NPAS3: variants seen among roughly 807,000 people sequenced by gnomAD.
NPAS3 encodes the protein neuronal PAS domain-containing protein 3.
NPAS3 carries 14 observed loss-of-function variants against 73.1 expected under a neutral mutation model. The observed-to-expected ratio is 0.19, with a 90% CI of 0.13 to 0.30. The LOEUF (loss-of-function observed/expected upper bound fraction) is 0.30, where lower values mean the gene tolerates loss of function less well. Among genes scored for constraint, NPAS3 ranks in the 10% least tolerant of loss-of-function variants. The pLI is 1.00. For missense variants in NPAS3, 1,096 were observed against 1,250.0 expected (o/e 0.88, Z 1.86); for synonymous variants, 620 against 541.5 (o/e 1.14, Z -2.01).
intron 3 of NPAS3, among the ~76,000 whole-genome samples, chr14:33,324,031 G>A (rs973226573): frequency 1.3e-5 from 2 of 152,184 alleles, no homozygotes; most frequent in Non-Finnish European, 2.9e-5. Flanking sequence ...GTCAAGCTAC[G>A]AGAATGGTTC....
At chr14:33,413,574 G>A (rs151246794) in intron 4 of NPAS3, among the ~76,000 whole-genome samples, 80 of 152,282 alleles carry the variant, frequency 5.3e-4, no homozygotes, top group African/African-American at 1.9e-3. Context: ...GGAAGTAACT[G>A]CAGTAAAATG....
intron 9 of NPAS3, among the ~76,000 whole-genome samples, chr14:33,782,888 A>G (rs1206199395): frequency 1.3e-5 from 2 of 152,176 alleles, no homozygotes; most frequent in Non-Finnish European, 2.9e-5. Flanking sequence ...ATACTTTCTA[A>G]CAAAACTAAT....
intron 3 of NPAS3, among the ~76,000 whole-genome samples, chr14:33,232,520 T>C (rs1260630474): frequency 1.3e-5 from 2 of 152,182 alleles, no homozygotes; most frequent in African/African-American, 4.8e-5. Context: ...ATATCTTTAG[T>C]TCTTTACTGA....
intron 2 of NPAS3, among the ~76,000 whole-genome samples, chr14:33,177,990 C>A (rs1424325805): frequency 2.0e-5 from 3 of 151,924 alleles, no homozygotes; most frequent in Non-Finnish European, 4.4e-5. Flanking sequence ...GAGCCCCTTA[C>A]ACTTCCATAT....
intron 1 of NPAS3, among the ~76,000 whole-genome samples, chr14:32,975,308 G>GCCTCCGTCACTCCCTT (rs374492951): frequency 7.8e-4 from 81 of 104,090 alleles, no homozygotes; most frequent in African/African-American, 2.7e-3. Flanking sequence ...CTCCCTCCCT[G>GCCTCCGTCACTCCCTT]CCTCCGTCAC....
chr14:33,655,365 T>G (rs1186966913), intron 5 of NPAS3, among the ~76,000 whole-genome samples: 1 of 131,552 alleles, frequency 7.6e-6, no homozygotes, highest in African/African-American at 2.9e-5. Flanking sequence ...TAACAGCAAG[T>G]GAACTCTTTT....
At chr14:33,066,059 A>C (rs1305229911) in intron 2 of NPAS3, among the ~76,000 whole-genome samples, 2 of 152,092 alleles carry the variant, frequency 1.3e-5, no homozygotes, top group Non-Finnish European at 2.9e-5. Context: ...TATTTTATGT[A>C]GTTGTAGGGG....
intron 4 of NPAS3, among the ~76,000 whole-genome samples, chr14:33,367,746 A>G (rs1263554760): frequency 1.3e-5 from 2 of 152,044 alleles, no homozygotes; most frequent in Admixed American, 6.6e-5. Flanking sequence ...TCCCCAAATT[A>G]GAAAATTTCT....
chr14:33,514,412 T>C (rs1165639719), intron 4 of NPAS3, among the ~76,000 whole-genome samples: 1 of 152,028 alleles, frequency 6.6e-6, no homozygotes, highest in African/African-American at 2.4e-5. Context: ...TTATTCCTGC[T>C]TTGCACTTAG....
intron 2 of NPAS3, among the ~76,000 whole-genome samples, chr14:33,101,305 TA>T (rs1422835691): frequency 8.5e-5 from 13 of 152,106 alleles, no homozygotes; most frequent in Admixed American, 3.3e-4. Flanking sequence ...AGATATTATT[TA>T]AAAAGGGAAG....
intron 3 of NPAS3, among the ~76,000 whole-genome samples, chr14:33,317,035 C>G (rs34976461): frequency 0.24 from 36,358 of 151,878 alleles, 4,438 homozygotes; most frequent in East Asian, 0.26. Context: ...ACTTCAGTGT[C>G]TAATAGGAGT....
chr14:33,775,525 C>T (rs1478053640), intron 8 of NPAS3, among the ~76,000 whole-genome samples: 3 of 152,124 alleles, frequency 2.0e-5, no homozygotes, highest in East Asian at 1.9e-4. Context: ...CACTGGGAAG[C>T]GCTGAAGATG....
At chr14:33,364,838 ATGT>A (rs1326305055) in intron 3 of NPAS3, among the ~76,000 whole-genome samples, 1 of 151,148 alleles carries the variant, frequency 6.6e-6, no homozygotes, top group African/African-American at 2.4e-5. Context: ...GAGCAGCTTT[ATGT>A]TGTTACTGGA....
chr14:33,755,355 T>G (rs2062083742), intron 7 of NPAS3, among the ~76,000 whole-genome samples: 1 of 152,194 alleles, frequency 6.6e-6, no homozygotes, highest in Admixed American at 6.5e-5. Context: ...ATTGGTACAT[T>G]TATTTTTGTG....
At chr14:33,359,073 C>A (rs555155599) in intron 3 of NPAS3, among the ~76,000 whole-genome samples, 1 of 152,158 alleles carries the variant, frequency 6.6e-6, no homozygotes, top group East Asian at 1.9e-4. Flanking sequence ...AGTTACTGAG[C>A]ATAATACCAA....
At chr14:33,726,464 C>A (rs1335454396) in intron 6 of NPAS3, among the ~76,000 whole-genome samples, 2 of 152,080 alleles carry the variant, frequency 1.3e-5, no homozygotes, top group Non-Finnish European at 2.9e-5. Flanking sequence ...ATAAATTTAC[C>A]ATAAGAATCA....
intron 3 of NPAS3, among the ~76,000 whole-genome samples, chr14:33,282,896 A>G (rs1566755815): frequency 6.6e-6 from 1 of 152,212 alleles, no homozygotes; most frequent in Non-Finnish European, 1.5e-5. Flanking sequence ...AATCCATTTT[A>G]AAGTGGATGC....
At chr14:33,712,581 G>A (rs1254762779) in intron 6 of NPAS3, among the ~76,000 whole-genome samples, 3 of 152,138 alleles carry the variant, frequency 2.0e-5, no homozygotes, top group Non-Finnish European at 4.4e-5. Context: ...CGTAATCACT[G>A]TTTTTTAAAT....
intron 2 of NPAS3, among the ~76,000 whole-genome samples, chr14:33,131,955 C>A (rs542194819): frequency 9.2e-5 from 14 of 152,082 alleles, no homozygotes; most frequent in Middle Eastern, 3.4e-3. Context: ...TAATTGGTGG[C>A]AAATGTCAAC....
Sources: gnomAD v4.1 joint callset for allele counts (sites outside exome capture counted in the v4.1 genomes callset) on GRCh38, gnomAD v4.1.1 for gene constraint, MANE v1.5 for transcripts, NCBI Gene and HGNC (gene_info 2026-07-23, HGNC 2026-07-21) for gene names.